The following GOLPH3L variants were observed in gnomAD, a reference collection of about 807,000 sequenced individuals.
GOLPH3L encodes the protein golgi phosphoprotein 3 like, also known as Golgi phosphoprotein 3-like.
Under a neutral mutation model 30.3 loss-of-function variants are expected in GOLPH3L, and 22 were observed. That is an observed-to-expected ratio of 0.73 (90% CI 0.52 to 1.04). GOLPH3L has a LOEUF of 1.04. Ranked by LOEUF, GOLPH3L falls within the 50% of genes least tolerant of loss-of-function variation. The pLI is 0.00. For missense variants in GOLPH3L, 303 were observed against 345.8 expected (o/e 0.88, Z 0.98); for synonymous variants, 120 against 128.2 (o/e 0.94, Z 0.43).
chr1:150,682,057 T>C (rs983865337), intron 2 of GOLPH3L, among the ~76,000 whole-genome samples: 1 of 134,530 alleles, frequency 7.4e-6, no homozygotes, highest in African/African-American at 2.6e-5. Context: ...GAGGAGACAA[T>C]GTCTCAAAGA....
chr1:150,694,655 C>T lies in GOLPH3L; in HGVS notation c.183+1G>A. 1.3e-6 allele frequency: 2 copies of T among 1,584,912 alleles called. No individual in the cohort carries two copies. The highest frequency in any genetic ancestry group is 1.7e-6 in the Non-Finnish European group (2 of 1,162,818). ...TAGCCTAGCAAACCTAACTGCATTA[C>T]CTCTTTATCTTTTAGTCCCAGAAGC... is the stretch of plus-strand genomic sequence containing the variant. On this transcript the variant is annotated splice_donor_variant, in intron 2 of 4. Coordinates refer to ENST00000271732, the MANE Select transcript of GOLPH3L (RefSeq NM_018178.6). LOFTEE classifies it high-confidence loss of function.
chr1:150,680,059 A>G (rs1650912909), intron 2 of GOLPH3L, among the ~76,000 whole-genome samples: 1 of 152,230 alleles, frequency 6.6e-6, no homozygotes, highest in African/African-American at 2.4e-5. Flanking sequence ...CTTATTTAGC[A>G]GAGGGAACAA....
chr1:150,652,926 G>A (rs1251912030), intron 4 of GOLPH3L, among the ~76,000 whole-genome samples: 1 of 151,872 alleles, frequency 6.6e-6, no homozygotes, highest in East Asian at 1.9e-4. Flanking sequence ...ATATATTTGT[G>A]CTTTCTTCTC....
intron 2 of GOLPH3L, among the ~76,000 whole-genome samples, chr1:150,683,059 TCTTA>T (rs987912653): frequency 2.2e-4 from 33 of 152,282 alleles, no homozygotes; most frequent in African/African-American, 6.7e-4. Flanking sequence ...GATAAGCGCA[TCTTA>T]CTTACTTTTA....
intron 2 of GOLPH3L, among the ~76,000 whole-genome samples, chr1:150,667,758 A>G (rs749201173): frequency 3.3e-5 from 5 of 151,876 alleles, no homozygotes; most frequent in Non-Finnish European, 5.9e-5. Flanking sequence ...ACACCCAGCT[A>G]AATTTTTTTA....
intron 2 of GOLPH3L, among the ~76,000 whole-genome samples, chr1:150,678,876 G>A (rs921408786): frequency 6.6e-6 from 1 of 152,086 alleles, no homozygotes; most frequent in Non-Finnish European, 1.5e-5. Context: ...GCTTGAACCT[G>A]GGAGGCAGAG....
At chr1:150,669,146 G>T (rs1310956061) in intron 2 of GOLPH3L, among the ~76,000 whole-genome samples, 2 of 152,060 alleles carry the variant, frequency 1.3e-5, no homozygotes, top group Non-Finnish European at 2.9e-5. Flanking sequence ...TATATGTAGA[G>T]TTTTAAGAAA....
chr1:150,677,025 AG>A (rs1291693151), intron 2 of GOLPH3L, among the ~76,000 whole-genome samples: 1 of 151,902 alleles, frequency 6.6e-6, no homozygotes, highest in Non-Finnish European at 1.5e-5. Context: ...CTGGGATTAC[AG>A]GTGTGAGCCA....
intron 2 of GOLPH3L, among the ~76,000 whole-genome samples, chr1:150,683,055 C>T (rs977499762): frequency 6.6e-6 from 1 of 152,128 alleles, no homozygotes; most frequent in Admixed American, 6.6e-5. Flanking sequence ...GGAAGATAAG[C>T]GCATCTTACT....
chr1:150,695,403 C>G (rs1388137599), intron 1 of GOLPH3L, among the ~76,000 whole-genome samples: 1 of 152,118 alleles, frequency 6.6e-6, no homozygotes, highest in African/African-American at 2.4e-5. Context: ...TCCCAAAGTG[C>G]TAGGATTACA....
chr1:150,659,486 C>T (rs966300552), intron 4 of GOLPH3L, among the ~76,000 whole-genome samples: 31 of 152,278 alleles, frequency 2.0e-4, no homozygotes, highest in African/African-American at 6.3e-4. Flanking sequence ...AGCCAGAGCC[C>T]GTCCCTTTAT....
At chr1:150,658,180 AC>A (rs1033792630) in intron 4 of GOLPH3L, among the ~76,000 whole-genome samples, 5 of 152,128 alleles carry the variant, frequency 3.3e-5, no homozygotes, top group African/African-American at 1.2e-4. Context: ...GCTGAGGAGG[AC>A]CCCAACTGTC....
At chr1:150,693,797 A>ATGTGTGTGTGTG (rs796936730) in intron 2 of GOLPH3L, among the ~76,000 whole-genome samples, 4,631 of 60,656 alleles carry the variant, frequency 0.076, 342 homozygotes, top group South Asian at 0.24. Flanking sequence ...TTGTTTATGT[A>ATGTGTGTGTGTG]TGTGTGTGTG....
chr1:150,679,005 T>A (rs587601840), intron 2 of GOLPH3L, among the ~76,000 whole-genome samples: 1 of 152,208 alleles, frequency 6.6e-6, no homozygotes, highest in Non-Finnish European at 1.5e-5. Flanking sequence ...CTTCTTTTTT[T>A]AATGTTGTTA....
At chr1:150,650,357 G>T (rs1234345628) in intron 4 of GOLPH3L, among the ~76,000 whole-genome samples, 1 of 152,210 alleles carries the variant, frequency 6.6e-6, no homozygotes, top group African/African-American at 2.4e-5. Context: ...AGACTTCAGA[G>T]AGCTGCTGCA....
chr1:150,693,033 C>T (rs1651248321), intron 2 of GOLPH3L, among the ~76,000 whole-genome samples: 1 of 152,090 alleles, frequency 6.6e-6, no homozygotes, highest in Non-Finnish European at 1.5e-5. Flanking sequence ...GCTGGTTTTG[C>T]CTTTTCGTTT....
intron 2 of GOLPH3L, among the ~76,000 whole-genome samples, chr1:150,667,591 C>T (rs1390603653): frequency 2.1e-5 from 3 of 141,004 alleles, no homozygotes; most frequent in Non-Finnish European, 3.1e-5. Flanking sequence ...CTTTTTTTTT[C>T]TTTCTTTTTT....
chr1:150,680,880 G>C (rs1261160059), intron 2 of GOLPH3L, among the ~76,000 whole-genome samples: 1 of 152,186 alleles, frequency 6.6e-6, no homozygotes, highest in East Asian at 1.9e-4. Flanking sequence ...TGGGCGCAGT[G>C]GCTCATGCCT....
intron 4 of GOLPH3L, among the ~76,000 whole-genome samples, chr1:150,650,931 C>G (rs1650090660): frequency 6.6e-6 from 1 of 152,194 alleles, no homozygotes; most frequent in South Asian, 2.1e-4. Context: ...TTTACAAAGA[C>G]TATAAAGCAG....
Sources: gnomAD v4.1 joint callset for allele counts (sites outside exome capture counted in the v4.1 genomes callset) on GRCh38, gnomAD v4.1.1 for gene constraint, MANE v1.5 for transcripts, NCBI Gene and HGNC (gene_info 2026-07-23, HGNC 2026-07-21) for gene names.